SLC4A4: variants seen among roughly 807,000 people sequenced by gnomAD.
SLC4A4 encodes the protein electrogenic sodium bicarbonate cotransporter 1.
SLC4A4 carries 27 observed loss-of-function variants against 111.5 expected under a neutral mutation model. That is an observed-to-expected ratio of 0.24 (90% CI 0.18 to 0.33). SLC4A4 has a LOEUF of 0.33. Ranked by LOEUF, SLC4A4 falls within the 10% of genes least tolerant of loss-of-function variation. The probability of loss-of-function intolerance (pLI) is 1.00; values close to 1 mark genes in which losing one functional copy is unlikely to be tolerated. For missense variants in SLC4A4, 909 were observed against 1,315.5 expected (o/e 0.69, Z 4.78); for synonymous variants, 443 against 463.4 (o/e 0.96, Z 0.57).
At chr4:71,370,133 T>C (rs1731729181) in intron 6 of SLC4A4, among the ~76,000 whole-genome samples, 1 of 152,226 alleles carries the variant, frequency 6.6e-6, no homozygotes, top group Non-Finnish European at 1.5e-5. Flanking sequence ...TTTAATTTTC[T>C]GAAGAATCTT....
chr4:71,181,082 G>A (rs1365005639), intron 2 of SLC4A4, among the ~76,000 whole-genome samples: 4 of 151,794 alleles, frequency 2.6e-5, no homozygotes, highest in Non-Finnish European at 4.4e-5. Context: ...GGATGAAGCC[G>A]GAAACCATCA....
rs1721105020 is a variant in SLC4A4 at position 71,408,831 on chromosome 4, C to T, written c.807+11178C>T. Among the ~76,000 whole-genome samples the T allele has an allele frequency of 1.3e-5, 2 of 152,142 alleles. 1 individual carries two copies. Among genetic ancestry groups the T allele is most frequent in the South Asian group, 4.1e-4 (2 of 4,828 alleles). ...TATTTTCATCACTGATGTGGTTTGG[C>T]TGTGTCCCCACCCAAATCTCAACTT... On this transcript the variant is annotated intron_variant, in intron 7 of 25. Coordinates refer to ENST00000264485, the MANE Select transcript of SLC4A4 (RefSeq NM_001098484.3).
chr4:71,204,454 G>C (rs1250910416), intron 1 of SLC4A4, among the ~76,000 whole-genome samples: 1 of 152,166 alleles, frequency 6.6e-6, no homozygotes, highest in Non-Finnish European at 1.5e-5. Context: ...CATGGGAAAA[G>C]TTACCAAGGA....
intron 3 of SLC4A4, chr4:71,339,114 A>C: frequency 6.2e-7 from 1 of 1,606,606 alleles, no homozygotes; most frequent in Admixed American, 1.7e-5. Flanking sequence ...TTTGTGACAC[A>C]TCACACAGAA....
At chr4:71,161,278 G>A (rs967890730) in intron 2 of SLC4A4, among the ~76,000 whole-genome samples, 1 of 152,140 alleles carries the variant, frequency 6.6e-6, no homozygotes, top group Non-Finnish European at 1.5e-5. Context: ...AGTCAGAAAA[G>A]TTGTCAGGTA....
chr4:71,076,765 C>G (rs1296998445), intron 1 of SLC4A4, among the ~76,000 whole-genome samples: 2 of 152,032 alleles, frequency 1.3e-5, no homozygotes, highest in Non-Finnish European at 2.9e-5. Context: ...TTGAAGCGGG[C>G]AGATTGTTTG....
chr4:71,526,843 C>A, intron 16 of SLC4A4, among the ~76,000 whole-genome samples: 1 of 151,862 alleles, frequency 6.6e-6, no homozygotes, highest in East Asian at 1.9e-4. Flanking sequence ...GGGCTGCCTG[C>A]ATTCTTTGGC....
chr4:71,547,577 T>A, intron 19 of SLC4A4, 71 bp from the exon 20 acceptor site: 1 of 1,262,304 alleles, frequency 7.9e-7, no homozygotes, highest in Non-Finnish European at 1.2e-6. Context: ...GTAGTTTTTT[T>A]GAAGGTGAAA....
chr4:71,172,500 C>T (rs1233343169), intron 2 of SLC4A4, among the ~76,000 whole-genome samples: 3 of 152,078 alleles, frequency 2.0e-5, no homozygotes, highest in Admixed American at 1.3e-4. Flanking sequence ...GTGATCTGCC[C>T]GCCTCAGCCT....
chr4:71,122,048 C>T (rs1202923868), intron 2 of SLC4A4, among the ~76,000 whole-genome samples: 1 of 152,074 alleles, frequency 6.6e-6, no homozygotes, highest in Non-Finnish European at 1.5e-5. Flanking sequence ...CACGAACCCA[C>T]CAGAAGGAAT....
At chr4:71,341,906 C>A (rs1728931603) in intron 4 of SLC4A4, among the ~76,000 whole-genome samples, 1 of 151,926 alleles carries the variant, frequency 6.6e-6, no homozygotes, top group South Asian at 2.1e-4. Flanking sequence ...TTAAACAATG[C>A]CCAGAAAAAA....
At chr4:71,135,669 A>T (rs1362483629) in intron 2 of SLC4A4, among the ~76,000 whole-genome samples, 1 of 152,182 alleles carries the variant, frequency 6.6e-6, no homozygotes, top group African/African-American at 2.4e-5. Flanking sequence ...ATTTTACAAT[A>T]GATTTCTTGA....
rs1376293244 is a variant in SLC4A4 at position 71,453,519 on chromosome 4, C to G, written c.1347C>G (p.Asp449Glu). ...TGRFCGGLIK[D>E]IKRKAPFFAS... is the part of the protein sequence containing the mutation. ...GGTTCTGTGGTGGACTAATTAAAGA[C>G]ATAAAGAGGAAAGCGCCATTTTTTG... The change falls in exon 12 of 26, where the codon GAC becomes GAG. Residue 449 changes from aspartate (D) to glutamate (E), a missense_variant. By Grantham distance (45) the Asp-to-Glu change is conservative (BLOSUM62 2). Around this residue, in one of 7 missense-constraint regions of SLC4A4, gnomAD observed 312 missense variants for 402.0 expected, o/e 0.78. Transcript: ENST00000264485. 1 of 1,613,894 alleles carries G rather than the reference C, an allele frequency of 6.2e-7. No homozygotes were observed. The highest frequency in any genetic ancestry group is 8.5e-7 in the Non-Finnish European group (1 of 1,179,830).
chr4:71,499,782 T>A (rs1170735737), intron 16 of SLC4A4, among the ~76,000 whole-genome samples: 1 of 152,334 alleles, frequency 6.6e-6, no homozygotes, highest in African/African-American at 2.4e-5. Flanking sequence ...TATGGCTGGA[T>A]AGTATTCCAC....
chr4:71,135,102 T>C (rs577189541), intron 2 of SLC4A4, among the ~76,000 whole-genome samples: 9 of 152,244 alleles, frequency 5.9e-5, no homozygotes, highest in East Asian at 1.9e-4. Context: ...ATGGTGTGTA[T>C]GTATGTATGT....
At chr4:71,179,468 C>T (rs978943655) in intron 2 of SLC4A4, among the ~76,000 whole-genome samples, 1 of 152,120 alleles carries the variant, frequency 6.6e-6, no homozygotes, top group Non-Finnish European at 1.5e-5. Flanking sequence ...ATCGTCTCAG[C>T]CCAAAATCTC....
At chr4:71,102,532 T>A (rs1322445779) in intron 2 of SLC4A4, among the ~76,000 whole-genome samples, 8 of 152,164 alleles carry the variant, frequency 5.3e-5, no homozygotes, top group Non-Finnish European at 1.0e-4. Context: ...AAGGTCAGGT[T>A]ACTCACAAAG....
intron 2 of SLC4A4, among the ~76,000 whole-genome samples, chr4:71,107,098 T>G (rs1024334179): frequency 6.6e-6 from 1 of 152,202 alleles, no homozygotes; most frequent in Admixed American, 6.5e-5. Context: ...AATCTGTTAG[T>G]GTCCTTGGAT....
At chr4:71,442,407 A>G (rs1356464252) in intron 8 of SLC4A4, among the ~76,000 whole-genome samples, 1 of 152,186 alleles carries the variant, frequency 6.6e-6, no homozygotes, top group Non-Finnish European at 1.5e-5. Flanking sequence ...AATAATCTGA[A>G]CGATATATCC....
Sources: allele counts gnomAD v4.1 joint callset (sites outside exome capture counted in the v4.1 genomes callset), GRCh38; gene constraint gnomAD v4.1.1; regional missense constraint gnomAD v4.1.1; transcripts MANE v1.5; gene names NCBI Gene and HGNC (gene_info 2026-07-23, HGNC 2026-07-21).